Variants in SPOCK1 observed in about 807,000 individuals in gnomAD.
SPOCK1 encodes the protein testican-1.
SPOCK1 carries 23 observed loss-of-function variants against 55.3 expected under a neutral mutation model. That is an observed-to-expected ratio of 0.42 (90% CI 0.30 to 0.59). The LOEUF is 0.59. Among genes scored for constraint, SPOCK1 ranks in the 20% least tolerant of loss-of-function variants. SPOCK1 has a pLI of 0.22. For synonymous variants in SPOCK1, 226 were observed against 221.0 expected, an observed-to-expected ratio of 1.02 and a Z score of -0.20; for missense variants, 499 against 552.5, an observed-to-expected ratio of 0.90 and a Z score of 0.97.
intron 3 of SPOCK1, among the ~76,000 whole-genome samples, chr5:137,212,140 G>C (rs1755629772): frequency 6.6e-6 from 1 of 152,174 alleles, no homozygotes; most frequent in South Asian, 2.1e-4. Flanking sequence ...TAACCTGTGG[G>C]ATCCAATGGC....
intron 2 of SPOCK1, among the ~76,000 whole-genome samples, chr5:137,279,252 T>C (rs1757127083): frequency 6.6e-6 from 1 of 152,194 alleles, no homozygotes; most frequent in Admixed American, 6.5e-5. Context: ...ACAACTACCC[T>C]TACCCTCTTG....
intron 3 of SPOCK1, among the ~76,000 whole-genome samples, chr5:137,197,623 T>C (rs943716371): frequency 1.6e-4 from 25 of 152,222 alleles, no homozygotes; most frequent in African/African-American, 6.0e-4. Context: ...TTGTATTCCT[T>C]TAAAAATTTT....
chr5:137,228,796 C>T (rs553477905), intron 3 of SPOCK1, among the ~76,000 whole-genome samples: 103 of 152,254 alleles, frequency 6.8e-4, no homozygotes, highest in Middle Eastern at 6.8e-3. Context: ...GGGCAGAAAG[C>T]ATGTACAAAT....
At chr5:137,485,759 G>GA (rs146681661) in intron 2 of SPOCK1, among the ~76,000 whole-genome samples, 3,936 of 150,750 alleles carry the variant, frequency 0.026, 184 homozygotes, top group African/African-American at 0.089. Flanking sequence ...ATTTAATGTT[G>GA]AAAAAAAAAG....
chr5:137,222,116 T>G (rs769215063), intron 3 of SPOCK1, among the ~76,000 whole-genome samples: 52 of 152,236 alleles, frequency 3.4e-4, no homozygotes, highest in Non-Finnish European at 8.8e-5. Context: ...GCTTTTATCA[T>G]GTCACATACA....
At chr5:137,240,492 T>A (rs1363713126) in intron 3 of SPOCK1, among the ~76,000 whole-genome samples, 1 of 152,186 alleles carries the variant, frequency 6.6e-6, no homozygotes, top group African/African-American at 2.4e-5. Context: ...GGCTAAGCCA[T>A]TCATGAGGGC....
intron 2 of SPOCK1, among the ~76,000 whole-genome samples, chr5:137,389,100 C>T (rs1159657575): frequency 6.6e-6 from 1 of 152,204 alleles, no homozygotes; most frequent in Non-Finnish European, 1.5e-5. Flanking sequence ...GTTTTTATCA[C>T]AGGCTTACAA....
At position 137,128,243 on chromosome 5, in the gene SPOCK1, T is replaced by A. The variant is rs186361438; in HGVS notation, c.347+12337A>T. Among the ~76,000 whole-genome samples, 136 of 152,328 alleles carry A rather than the reference T, an allele frequency of 8.9e-4. 1 individual carries two copies. The South Asian group carries it at 0.012, about 14-fold the overall frequency. On this transcript the variant is annotated intron_variant, in intron 4 of 10. Coordinates refer to ENST00000394945, the MANE Select transcript of SPOCK1 (RefSeq NM_004598.4). Reference sequence around the variant, plus strand: ...ATCTGCCAGTACCCTGACCTTGGATTTTCGAGCCTCCAGAACTGTAAGAAA... The same window carrying A: ...ATCTGCCAGTACCCTGACCTTGGATATTCGAGCCTCCAGAACTGTAAGAAA...
Position 137,167,625 on chromosome 5 carries a change from C to G in SPOCK1, c.233-26931G>C, listed in dbSNP as rs532521455. Among the ~76,000 whole-genome samples, 6 of 143,974 alleles carry G rather than the reference C, an allele frequency of 4.2e-5. No homozygotes were observed. In the South Asian group the frequency reaches 1.4e-3, roughly 33 times the overall value. The allele number at this position is 143,974 out of a possible 152,430, so 94.5% of individuals were successfully genotyped here. On this transcript the variant is annotated intron_variant, in intron 3 of 10. Coordinates refer to ENST00000394945, the MANE Select transcript of SPOCK1 (RefSeq NM_004598.4). ...ATTGGAATAGTATCAAGCATCTTCT[C>G]TGACCACAATGGAATAAAACTTGAA...
At chr5:137,254,775 T>C (rs1431838818) in intron 3 of SPOCK1, among the ~76,000 whole-genome samples, 1 of 152,220 alleles carries the variant, frequency 6.6e-6, no homozygotes. Context: ...AAGGTAACTA[T>C]GCAGTCAGGC....
At chr5:137,406,603 G>A (rs1342000779) in intron 2 of SPOCK1, among the ~76,000 whole-genome samples, 1 of 152,204 alleles carries the variant, frequency 6.6e-6, no homozygotes. Context: ...AACTAGAGAA[G>A]AATACTGACT....
intron 2 of SPOCK1, among the ~76,000 whole-genome samples, chr5:137,482,354 A>G (rs2149842780): frequency 6.6e-6 from 1 of 152,354 alleles, no homozygotes; most frequent in East Asian, 1.9e-4. Flanking sequence ...AGACGTGATC[A>G]GACATCCTCT....
chr5:137,034,381 A>G (rs1751840306), intron 6 of SPOCK1, among the ~76,000 whole-genome samples: 1 of 152,164 alleles, frequency 6.6e-6, no homozygotes, highest in South Asian at 2.1e-4. Context: ...GCAGCTCCTC[A>G]TAATACCCCT....
intron 2 of SPOCK1, among the ~76,000 whole-genome samples, chr5:137,334,069 A>G (rs891390940): frequency 6.6e-6 from 1 of 152,144 alleles, no homozygotes; most frequent in Admixed American, 6.5e-5. Flanking sequence ...GTCTCTGCCA[A>G]TGGAGGCATT....
At chr5:137,033,332 A>G (rs996174278) in intron 6 of SPOCK1, among the ~76,000 whole-genome samples, 4 of 152,336 alleles carry the variant, frequency 2.6e-5, no homozygotes, top group Admixed American at 2.6e-4. Flanking sequence ...TGAACATGCT[A>G]CGTGCCTTCG....
chr5:137,459,633 A>C (rs1528963), intron 2 of SPOCK1, among the ~76,000 whole-genome samples: 1 of 151,860 alleles, frequency 6.6e-6, no homozygotes, highest in Non-Finnish European at 1.5e-5. Context: ...AAGGAGGTGC[A>C]TGTGGTTTCC....
At position 137,392,657 on chromosome 5, in the gene SPOCK1, A is replaced by G. The variant is rs139268982; in HGVS notation, c.186+105716T>C. 4.7e-4 allele frequency among the ~76,000 whole-genome samples: 71 copies of G among 152,326 alleles called. 1 individual carries two copies. The highest frequency in any genetic ancestry group is 3.4e-3 in the Middle Eastern group (1 of 294). On this transcript the variant is annotated intron_variant, in intron 2 of 10. Coordinates refer to ENST00000394945, the MANE Select transcript of SPOCK1 (RefSeq NM_004598.4). Reference sequence around the variant, plus strand: ...ATCTGTAAAAGGGGATAATACGAGTACTGTTCTGAGGATTACAGGTAAACA... The same window carrying G: ...ATCTGTAAAAGGGGATAATACGAGTGCTGTTCTGAGGATTACAGGTAAACA...
intron 5 of SPOCK1, among the ~76,000 whole-genome samples, chr5:137,075,588 T>C (rs932828700): frequency 1.3e-5 from 2 of 152,242 alleles, no homozygotes; most frequent in Non-Finnish European, 1.5e-5. Flanking sequence ...CACCCTTTTC[T>C]AGTGAGTGAG....
intron 2 of SPOCK1, among the ~76,000 whole-genome samples, chr5:137,321,964 C>A (rs2127147216): frequency 6.6e-6 from 1 of 152,054 alleles, no homozygotes; most frequent in Middle Eastern, 3.4e-3. Context: ...CCTAGATAAA[C>A]AAAAGCTGAT....
Sources: gnomAD v4.1 joint callset for allele counts (sites outside exome capture counted in the v4.1 genomes callset) on GRCh38, gnomAD v4.1.1 for gene constraint, MANE v1.5 for transcripts, NCBI Gene and HGNC (gene_info 2026-07-23, HGNC 2026-07-21) for gene names.